ZMIZ1: variants seen among roughly 807,000 people sequenced by gnomAD.
ZMIZ1 encodes the protein zinc finger MIZ domain-containing protein 1.
ZMIZ1 carries 17 observed loss-of-function variants against 113.9 expected under a neutral mutation model. That is an observed-to-expected ratio of 0.15 (90% CI 0.10 to 0.22). The LOEUF is 0.22. ZMIZ1 is among the 10% of genes least tolerant of loss of function. ZMIZ1 has a pLI of 1.00. For synonymous variants in ZMIZ1, 607 were observed against 603.1 expected (o/e 1.01, Z -0.09); for missense variants, 1,059 against 1,477.8 (o/e 0.72, Z 4.65).
chr10:79,272,449 A>G (rs1387969792), intron 7 of ZMIZ1, among the ~76,000 whole-genome samples: 1 of 152,174 alleles, frequency 6.6e-6, no homozygotes, highest in East Asian at 1.9e-4. Context: ...CTTACCCTGA[A>G]CCACAGGGTT....
chr10:79,158,176 CTTG>C (rs1845977432), intron 3 of ZMIZ1, among the ~76,000 whole-genome samples: 1 of 152,340 alleles, frequency 6.6e-6, no homozygotes, highest in African/African-American at 2.4e-5. Context: ...CACCCCGTAT[CTTG>C]TTAAGGCCTC....
At chr10:79,256,421 C>A (rs1386402156) in intron 7 of ZMIZ1, among the ~76,000 whole-genome samples, 1 of 152,232 alleles carries the variant, frequency 6.6e-6, no homozygotes, top group African/African-American at 2.4e-5. Context: ...CACATCCCAT[C>A]CAGAGCAGCC....
At chr10:79,310,369 T>G (rs1182120970) in intron 23 of ZMIZ1, among the ~76,000 whole-genome samples, 1 of 152,110 alleles carries the variant, frequency 6.6e-6, no homozygotes, top group East Asian at 1.9e-4. Context: ...TGCTCCACAC[T>G]TCGGACTGGC....
At chr10:79,273,232 C>T (rs376304199) in intron 7 of ZMIZ1, among the ~76,000 whole-genome samples, 5 of 152,332 alleles carry the variant, frequency 3.3e-5, no homozygotes, top group South Asian at 2.1e-4. Flanking sequence ...GCTTGGCTGA[C>T]GGGGGGTGGT....
chr10:79,226,282 A>G lies in ZMIZ1; in HGVS notation c.280+10008A>G, dbSNP rs193017034. ...GTGGGACCAGAGCTCTGGCCAGGCC[A>G]TCCCTGCATCTCTGCAGGTCACCAG... On this transcript the variant is annotated intron_variant, in intron 7 of 24. Coordinates refer to ENST00000334512, the MANE Select transcript of ZMIZ1 (RefSeq NM_020338.4). 8.3e-3 allele frequency among the ~76,000 whole-genome samples: 1,262 copies of G among 152,260 alleles called. 20 individuals carry two copies. Among genetic ancestry groups the G allele is most frequent in the African/African-American group, 0.029 (1,206 of 41,550 alleles).
intron 7 of ZMIZ1, among the ~76,000 whole-genome samples, chr10:79,261,137 G>C (rs1851236867): frequency 6.6e-6 from 1 of 152,182 alleles, no homozygotes; most frequent in South Asian, 2.1e-4. Flanking sequence ...ATGTGCTCCA[G>C]ACCCCCAGGC....
intron 2 of ZMIZ1, among the ~76,000 whole-genome samples, chr10:79,127,405 C>T (rs907854474): frequency 2.0e-5 from 3 of 152,224 alleles, no homozygotes; most frequent in African/African-American, 7.2e-5. Context: ...GCAGTTTGCA[C>T]AGCAGCCAGC....
chr10:79,189,471 A>G (rs1847505755), intron 4 of ZMIZ1, among the ~76,000 whole-genome samples: 1 of 152,222 alleles, frequency 6.6e-6, no homozygotes, highest in Non-Finnish European at 1.5e-5. Context: ...AACCCAGTGA[A>G]TCAGCACAGC....
rs951326211 is a variant in ZMIZ1 at position 79,312,981 on chromosome 10, T to A, written c.*232T>A. 9.0e-6 allele frequency: 5 copies of A among 555,530 alleles called. No individual in the cohort carries two copies. The highest frequency in any genetic ancestry group is 1.6e-5 in the Non-Finnish European group (5 of 310,668). 34.4% of individuals were successfully genotyped at this position (555,530 alleles called of 1,614,324 possible). ...GAGCCCACGTCCCACCTCCACACCC[T>A]TGGCTTGGGCCCATGCCCAGCGCAG... On this transcript the variant is annotated 3_prime_UTR_variant, in exon 25 of 25. Coordinates refer to ENST00000334512, the MANE Select transcript of ZMIZ1 (RefSeq NM_020338.4).
intron 2 of ZMIZ1, among the ~76,000 whole-genome samples, chr10:79,123,230 G>A (rs1844373825): frequency 6.6e-6 from 1 of 152,216 alleles, no homozygotes; most frequent in Non-Finnish European, 1.5e-5. Context: ...ACTCTTGGTG[G>A]ATGAGTGTGG....
intron 5 of ZMIZ1, among the ~76,000 whole-genome samples, chr10:79,206,770 A>G (rs1848332983): frequency 6.6e-6 from 1 of 152,194 alleles, no homozygotes; most frequent in African/African-American, 2.4e-5. Flanking sequence ...TATAAGCCTC[A>G]TCTTGTTTAA....
At chr10:79,138,997 G>A (rs1252472597) in intron 2 of ZMIZ1, among the ~76,000 whole-genome samples, 2 of 152,114 alleles carry the variant, frequency 1.3e-5, no homozygotes, top group Non-Finnish European at 2.9e-5. Flanking sequence ...GAAGTTTGGG[G>A]AGCACAATCT....
chr10:79,271,282 T>C (rs1277271056), intron 7 of ZMIZ1, among the ~76,000 whole-genome samples: 1 of 152,238 alleles, frequency 6.6e-6, no homozygotes, highest in Non-Finnish European at 1.5e-5. Context: ...TTCTCTTCTC[T>C]ACTGAGCGAG....
intron 1 of ZMIZ1, among the ~76,000 whole-genome samples, chr10:79,074,406 T>C (rs897214487): frequency 6.6e-6 from 1 of 152,184 alleles, no homozygotes; most frequent in Non-Finnish European, 1.5e-5. Flanking sequence ...CCCCCTCCCA[T>C]ATGGCAGCAC....
At chr10:79,262,664 T>C (rs1851340539) in intron 7 of ZMIZ1, among the ~76,000 whole-genome samples, 1 of 152,246 alleles carries the variant, frequency 6.6e-6, no homozygotes, top group African/African-American at 2.4e-5. Flanking sequence ...ATAAATTCAG[T>C]CCCTATCTCA....
chr10:79,106,532 GCA>G (rs1478756826), intron 1 of ZMIZ1, among the ~76,000 whole-genome samples: 1 of 152,220 alleles, frequency 6.6e-6, no homozygotes, highest in East Asian at 1.9e-4. Context: ...TGCATCGCCA[GCA>G]CCCAGCTTGG....
intron 1 of ZMIZ1, among the ~76,000 whole-genome samples, chr10:79,113,778 C>A (rs1191018222): frequency 1.3e-5 from 2 of 151,940 alleles, no homozygotes; most frequent in African/African-American, 2.4e-5. Flanking sequence ...AAGGCTGCCC[C>A]CCTTTCCTCT....
At chr10:79,102,699 G>A (rs1843407087) in intron 1 of ZMIZ1, among the ~76,000 whole-genome samples, 1 of 152,206 alleles carries the variant, frequency 6.6e-6, no homozygotes, top group African/African-American at 2.4e-5. Context: ...AGCACCAGGC[G>A]GCCTTGCTGC....
At chr10:79,167,596 A>G (rs1846409807) in intron 4 of ZMIZ1, among the ~76,000 whole-genome samples, 1 of 152,188 alleles carries the variant, frequency 6.6e-6, no homozygotes, top group Non-Finnish European at 1.5e-5. Flanking sequence ...AATAGAGGAA[A>G]GGCGATGTGA....
Sources: gnomAD v4.1 joint callset for allele counts (sites outside exome capture counted in the v4.1 genomes callset) on GRCh38, gnomAD v4.1.1 for gene constraint, MANE v1.5 for transcripts, NCBI Gene and HGNC (gene_info 2026-07-23, HGNC 2026-07-21) for gene names.